The following KAZN variants were observed in gnomAD, a reference collection of about 807,000 sequenced individuals.
KAZN encodes kazrin.
In KAZN, 40 loss-of-function variants were observed where a neutral mutation model predicts 87.4. The ratio of observed to expected loss-of-function variants is 0.46; its 90% confidence interval spans 0.36 to 0.60. The LOEUF is 0.60. Ranked by LOEUF, KAZN falls within the 20% of genes least tolerant of loss-of-function variation. The pLI, the probability that KAZN is intolerant of heterozygous loss-of-function variation, is 0.00. For synonymous variants in KAZN, 466 were observed against 458.3 expected, an observed-to-expected ratio of 1.02 and a Z score of -0.22; for missense variants, 898 against 1,073.9, an observed-to-expected ratio of 0.84 and a Z score of 2.29.
chr1:15,048,655 C>CGGTCCTGGGTCGTTGGTCCTGGGTCGTT (rs1557754339), intron 4 of KAZN, among the ~76,000 whole-genome samples: 4 of 88,324 alleles, frequency 4.5e-5, no homozygotes, highest in African/African-American at 5.4e-5. Context: ...CCTGGGTCGT[C>CGGTCCTGGGTCGTTGGTCCTGGGTCGTT]GGTCCTGGGT....
Position 15,117,888 on chromosome 1 carries a change from G to A in KAZN, c.*3253G>A, listed in dbSNP as rs1370198639. ...ATTCTTGCCAATGGCTGGCCAGCGA[G>A]GAGAATCTCCCGAGCCCTGACACAC... is the stretch of plus-strand genomic sequence containing the variant. On this transcript the variant is annotated 3_prime_UTR_variant, in exon 15 of 15. Coordinates refer to ENST00000376030, the MANE Select transcript of KAZN (RefSeq NM_201628.3). 9 of 152,210 alleles carry A rather than the reference G, an allele frequency of 5.9e-5. No individual in the cohort carries two copies. Among genetic ancestry groups the A allele is most frequent in the Admixed American group, 5.9e-4 (9 of 15,284 alleles). 9.4% of individuals were successfully genotyped at this position (152,210 alleles called of 1,614,324 possible). A position where few individuals can be genotyped will look rare whatever the true frequency, so the allele number is the denominator to read the frequency against.
intron 1 of KAZN, among the ~76,000 whole-genome samples, chr1:14,080,594 A>T (rs1230146931): frequency 6.6e-6 from 1 of 152,184 alleles, no homozygotes; most frequent in Non-Finnish European, 1.5e-5. Context: ...CTCCTTCAGT[A>T]CCTACTTCAT....
chr1:14,602,513 T>A (rs1208261100), intron 1 of KAZN, among the ~76,000 whole-genome samples: 1 of 152,200 alleles, frequency 6.6e-6, no homozygotes, highest in African/African-American at 2.4e-5. Context: ...TTTGTTCCAA[T>A]TCATCTTGTT....
intron 2 of KAZN, among the ~76,000 whole-genome samples, chr1:14,355,104 CTA>C (rs1452074167): frequency 2.6e-5 from 4 of 152,092 alleles, no homozygotes; most frequent in Non-Finnish European, 5.9e-5. Context: ...AGAGCACAAA[CTA>C]TATGATTCCA....
chr1:14,541,122 CTCTCCCAA>C lies in KAZN; in HGVS notation c.250-57860_250-57853del, dbSNP rs368067425. Among the ~76,000 whole-genome samples, 374 of 151,844 alleles carry C rather than the reference CTCTCCCAA, an allele frequency of 2.5e-3. 1 individual carries two copies. The highest frequency in any genetic ancestry group is 8.3e-3 in the African/African-American group (345 of 41,366). ...TTTCAAAGAAAGTATTCAAGTGTAG[CTCTCCCAA>C]GATCCTGCTACTTCCAAGAGTTCTT... On this transcript the variant is annotated intron_variant, in intron 2 of 16. Coordinates refer to the KAZN transcript ENST00000636203.
At chr1:14,416,480 T>C (rs745429603) in intron 2 of KAZN, among the ~76,000 whole-genome samples, 9 of 152,238 alleles carry the variant, frequency 5.9e-5, no homozygotes, top group Non-Finnish European at 1.3e-4. Context: ...CTCATGCCTA[T>C]AATTCTAGCA....
At position 14,367,234 on chromosome 1, in the gene KAZN, A is replaced by C. The variant is rs1002102270; in HGVS notation, c.249+186642A>C. ...ACAGAGCAAGACTCTTGTCTCCAAA[A>C]AAAGAAAAAGGCTCTCAGCGGGAAA... On this transcript the variant is annotated intron_variant, in intron 2 of 16. Transcript: ENST00000636203. Among the ~76,000 whole-genome samples the C allele has an allele frequency of 2.0e-5, 3 of 152,286 alleles. No homozygotes were observed. The East Asian group carries it at 5.8e-4, about 29-fold the overall frequency.
chr1:14,382,445 T>C (rs932996392), intron 2 of KAZN, among the ~76,000 whole-genome samples: 2 of 109,088 alleles, frequency 1.8e-5, no homozygotes, highest in Admixed American at 1.7e-4. Context: ...ATTAGGTATA[T>C]CTCCCAATGC....
intron 1 of KAZN, among the ~76,000 whole-genome samples, chr1:14,883,432 T>A (rs1653703693): frequency 8.0e-6 from 1 of 124,316 alleles, no homozygotes; most frequent in African/African-American, 3.4e-5. Flanking sequence ...AGAAAAGCGG[T>A]TCTTGAGCTC....
At chr1:15,078,493 G>T (rs1639856750) in intron 8 of KAZN, among the ~76,000 whole-genome samples, 1 of 152,230 alleles carries the variant, frequency 6.6e-6, no homozygotes. Context: ...AGATATGATT[G>T]AAGCTGATTA....
At chr1:15,084,235 T>C (rs984633784) in intron 8 of KAZN, among the ~76,000 whole-genome samples, 2 of 152,106 alleles carry the variant, frequency 1.3e-5, no homozygotes, top group Non-Finnish European at 2.9e-5. Flanking sequence ...AATACAAATA[T>C]GGAAAGACTT....
chr1:14,293,128 A>G (rs1015115376), intron 2 of KAZN, among the ~76,000 whole-genome samples: 6 of 152,206 alleles, frequency 3.9e-5, no homozygotes, highest in South Asian at 2.1e-4. Flanking sequence ...CAAACAAGGA[A>G]AGAGTCACAG....
intron 2 of KAZN, among the ~76,000 whole-genome samples, chr1:14,518,344 T>C (rs1671404953): frequency 6.6e-6 from 1 of 152,028 alleles, no homozygotes; most frequent in Admixed American, 6.6e-5. Flanking sequence ...GCCCAGCTAA[T>C]TTTTGTACTT....
At chr1:14,688,398 C>T (rs1240372357) in intron 1 of KAZN, among the ~76,000 whole-genome samples, 1 of 152,230 alleles carries the variant, frequency 6.6e-6, no homozygotes, top group East Asian at 1.9e-4. Context: ...TGCCAGGCAG[C>T]AGGTGCTGGG....
intron 2 of KAZN, among the ~76,000 whole-genome samples, chr1:14,251,643 CTTT>C (rs549092023): frequency 1.1e-4 from 10 of 90,338 alleles, no homozygotes; most frequent in African/African-American, 1.8e-4. Flanking sequence ...TTCTCCCGGA[CTTT>C]TTTTTTTTTT....
intron 1 of KAZN, among the ~76,000 whole-genome samples, chr1:14,677,826 G>T (rs1266221212): frequency 1.3e-5 from 2 of 152,214 alleles, no homozygotes; most frequent in Non-Finnish European, 1.5e-5. Flanking sequence ...AGAAAACTCT[G>T]TAACTGTCAA....
At chr1:14,844,218 C>T (rs1030222608) in intron 1 of KAZN, among the ~76,000 whole-genome samples, 4 of 152,230 alleles carry the variant, frequency 2.6e-5, no homozygotes, top group Non-Finnish European at 4.4e-5. Flanking sequence ...CTTAGGAAAG[C>T]TCCTGCCCTA....
chr1:14,718,911 G>C (rs912661009), intron 1 of KAZN, among the ~76,000 whole-genome samples: 6 of 152,182 alleles, frequency 3.9e-5, no homozygotes, highest in Non-Finnish European at 8.8e-5. Context: ...GGGTTGGTTG[G>C]TTGACATGAC....
At chr1:14,404,771 A>G (rs1044296331) in intron 2 of KAZN, among the ~76,000 whole-genome samples, 5 of 152,230 alleles carry the variant, frequency 3.3e-5, no homozygotes, top group Non-Finnish European at 5.9e-5. Flanking sequence ...TAATTGATGA[A>G]ATGTATATAT....
Sources: gnomAD v4.1 joint callset for allele counts (sites outside exome capture counted in the v4.1 genomes callset) on GRCh38, gnomAD v4.1.1 for gene constraint, MANE v1.5 for transcripts, NCBI Gene and HGNC (gene_info 2026-07-23, HGNC 2026-07-21) for gene names.